ADARB2: variants seen among roughly 807,000 people sequenced by gnomAD.
ADARB2 encodes adenosine deaminase RNA specific B2 (inactive), also known as inactive double-stranded RNA-specific editase B2.
In ADARB2, 25 loss-of-function variants were observed where a neutral mutation model predicts 62.2. The ratio of observed to expected loss-of-function variants is 0.40; its 90% CI spans 0.29 to 0.56. The LOEUF (loss-of-function observed/expected upper bound fraction) is 0.56. Ranked by LOEUF, ADARB2 falls within the 20% of genes least tolerant of loss-of-function variation. ADARB2 has a pLI of 0.43. For synonymous variants in ADARB2, 572 were observed against 500.8 expected (o/e 1.14, Z -1.90); for missense variants, 1,071 against 1,077.4 (o/e 0.99, Z 0.08).
chr10:1,219,930 GTGA>G lies in ADARB2; in HGVS notation c.1514-2814_1514-2812del, dbSNP rs1262452499. Among the ~76,000 whole-genome samples, 9 of 147,768 alleles carry G rather than the reference GTGA, an allele frequency of 6.1e-5. 1 individual carries two copies. Among genetic ancestry groups the G allele is most frequent in the Admixed American group, 1.4e-4 (2 of 14,780 alleles). ...AATGGTGGTGGCGATGATGGTGATG[GTGA>G]TGATGGTGGTGATAATGGTGATGGT... On this transcript the variant is annotated intron_variant, in intron 6 of 9. Coordinates refer to ENST00000381312, the MANE Select transcript of ADARB2 (RefSeq NM_018702.4).
At chr10:1,289,651 G>A (rs974175778) in intron 3 of ADARB2, among the ~76,000 whole-genome samples, 3 of 152,250 alleles carry the variant, frequency 2.0e-5, no homozygotes, top group Non-Finnish European at 4.4e-5. Context: ...CCTCTCACTG[G>A]CTCCGTGGCC....
intron 3 of ADARB2, among the ~76,000 whole-genome samples, chr10:1,289,478 AGGAGGCCTTCAGGG>A (rs760918852): frequency 7.9e-5 from 12 of 152,176 alleles, no homozygotes; most frequent in Non-Finnish European, 1.2e-4. Flanking sequence ...AAGAGGGAGG[AGGAGGCCTTCAGGG>A]GGAGGCCTCT....
At chr10:1,409,348 C>CTT (rs1832735661) in intron 1 of ADARB2, among the ~76,000 whole-genome samples, 1 of 152,238 alleles carries the variant, frequency 6.6e-6, no homozygotes, top group African/African-American at 2.4e-5. Context: ...GAATTTTTCT[C>CTT]TTTTCAGATG....
rs2119060280 is a variant in ADARB2 at position 1,643,034 on chromosome 10, C to A, written c.100+94017G>T. 1.3e-5 allele frequency among the ~76,000 whole-genome samples: 2 copies of A among 152,330 alleles called. 1 individual carries two copies. Among genetic ancestry groups the A allele is most frequent in the Admixed American group, 1.3e-4 (2 of 15,308 alleles). On this transcript the variant is annotated intron_variant, in intron 1 of 9. Coordinates refer to ENST00000381312, the MANE Select transcript of ADARB2 (RefSeq NM_018702.4). ...GGCCTGGGTGTTTATTCAGGTAATG[C>A]AACTAATAAACAGGAGGTAGGCACA...
chr10:1,693,432 G>A (rs770121832), intron 1 of ADARB2, among the ~76,000 whole-genome samples: 24 of 152,098 alleles, frequency 1.6e-4, no homozygotes, highest in Non-Finnish European at 2.8e-4. Flanking sequence ...CTCCTCTCTC[G>A]TTTTTGTCAT....
At chr10:1,558,174 G>A (rs191620407) in intron 1 of ADARB2, among the ~76,000 whole-genome samples, 8 of 152,042 alleles carry the variant, frequency 5.3e-5, no homozygotes, top group Non-Finnish European at 1.0e-4. Context: ...CCTGGGCACC[G>A]TCTCCCCGGA....
intron 4 of ADARB2, among the ~76,000 whole-genome samples, chr10:1,254,320 C>G (rs1831062203): frequency 6.6e-6 from 1 of 152,216 alleles, no homozygotes; most frequent in Non-Finnish European, 1.5e-5. Context: ...CCAGAACCGT[C>G]TACCTTCTTC....
chr10:1,346,595 C>T (rs1194635626), intron 3 of ADARB2, among the ~76,000 whole-genome samples: 1 of 152,202 alleles, frequency 6.6e-6, no homozygotes, highest in African/African-American at 2.4e-5. Context: ...CAGATTTGAC[C>T]CCCAGCCATG....
chr10:1,277,171 A>G (rs1049433903), intron 3 of ADARB2, among the ~76,000 whole-genome samples: 3 of 152,258 alleles, frequency 2.0e-5, no homozygotes, highest in African/African-American at 4.8e-5. Flanking sequence ...TCTGAAATTG[A>G]CACCCTAACA....
chr10:1,421,580 G>A (rs1832853171), intron 1 of ADARB2, among the ~76,000 whole-genome samples: 1 of 152,150 alleles, frequency 6.6e-6, no homozygotes, highest in African/African-American at 2.4e-5. Flanking sequence ...TGGGACTATA[G>A]CAGTGAACAA....
At chr10:1,259,217 C>T (rs1236890165) in intron 4 of ADARB2, among the ~76,000 whole-genome samples, 1 of 152,052 alleles carries the variant, frequency 6.6e-6, no homozygotes, top group Non-Finnish European at 1.5e-5. Flanking sequence ...GAAATTGGCA[C>T]CCTAACATCA....
intron 1 of ADARB2, among the ~76,000 whole-genome samples, chr10:1,493,183 A>C (rs1409352920): frequency 6.6e-6 from 1 of 152,200 alleles, no homozygotes; most frequent in Non-Finnish European, 1.5e-5. Context: ...TCAAATCAGG[A>C]TTCCAATTTT....
In ADARB2 at chr10:1,510,108, C is replaced by CTT. The variant is rs1564312446; in HGVS notation, c.101-130949_101-130948insAA. On this transcript the variant is annotated intron_variant, in intron 1 of 9. Coordinates refer to ENST00000381312, the MANE Select transcript of ADARB2 (RefSeq NM_018702.4). Reference sequence around the variant, plus strand: ...CTCTCTCTCTCTCTTTTCTTTCTTTCTCTCTTTCTTTCTTTCTTTCTTTCT... The same window carrying CTT: ...CTCTCTCTCTCTCTTTTCTTTCTTTCTTTCTCTTTCTTTCTTTCTTTCTTTCT... Among the ~76,000 whole-genome samples, 21 of 121,000 alleles carry CTT rather than the reference C, an allele frequency of 1.7e-4. No individual in the cohort carries two copies. The South Asian group carries it at 2.4e-3, about 14-fold the overall frequency. 79.4% of individuals were successfully genotyped at this position (121,000 alleles called of 152,430 possible).
intron 3 of ADARB2, among the ~76,000 whole-genome samples, chr10:1,339,792 G>A (rs1200283823): frequency 1.3e-5 from 2 of 152,188 alleles, no homozygotes; most frequent in Non-Finnish European, 1.5e-5. Context: ...CAGCCCACCC[G>A]TGACCAAGTG....
At chr10:1,259,733 T>C (rs910678836) in intron 4 of ADARB2, among the ~76,000 whole-genome samples, 3 of 152,242 alleles carry the variant, frequency 2.0e-5, no homozygotes, top group Non-Finnish European at 4.4e-5. Context: ...AAGGAGGAAC[T>C]GGTACCATTC....
intron 3 of ADARB2, among the ~76,000 whole-genome samples, chr10:1,301,252 T>C (rs568065109): frequency 2.0e-5 from 3 of 152,322 alleles, no homozygotes; most frequent in African/African-American, 4.8e-5. Context: ...GTTTACTTAA[T>C]TCCGTTAAAA....
At chr10:1,316,453 C>T (rs1312497602) in intron 3 of ADARB2, among the ~76,000 whole-genome samples, 6 of 152,232 alleles carry the variant, frequency 3.9e-5, no homozygotes, top group Admixed American at 2.6e-4. Flanking sequence ...ATGGCAGTGT[C>T]GGCCACGGTG....
At chr10:1,591,889 ATCT>A (rs1383561237) in intron 1 of ADARB2, among the ~76,000 whole-genome samples, 1 of 152,182 alleles carries the variant, frequency 6.6e-6, no homozygotes, top group Non-Finnish European at 1.5e-5. Flanking sequence ...ATGAAAGAAA[ATCT>A]TCTTGCCAGT....
chr10:1,232,885 ATGTGTGTGG>A (rs888015449), intron 6 of ADARB2, among the ~76,000 whole-genome samples: 4 of 142,080 alleles, frequency 2.8e-5, no homozygotes, highest in East Asian at 2.2e-4. Flanking sequence ...TGTGTGTTGT[ATGTGTGTGG>A]TGTGTGTGGT....
Sources: allele counts gnomAD v4.1 joint callset (sites outside exome capture counted in the v4.1 genomes callset), GRCh38; gene constraint gnomAD v4.1.1; transcripts MANE v1.5; gene names NCBI Gene and HGNC (gene_info 2026-07-23, HGNC 2026-07-21).